Variants in TUSC3 observed in about 807,000 individuals in gnomAD.
TUSC3 encodes the protein dolichyl-diphosphooligosaccharide--protein glycosyltransferase subunit TUSC3.
In TUSC3, 45 loss-of-function variants were observed where a neutral mutation model predicts 44.8. That is an observed-to-expected ratio of 1.00 (90% CI 0.79 to 1.29). The LOEUF (loss-of-function observed/expected upper bound fraction) is 1.29, where lower values mean the gene tolerates loss of function less well. TUSC3 is among the 50% of genes most tolerant of loss of function. TUSC3 has a pLI of 0.00. For missense variants in TUSC3, 519 were observed against 437.9 expected (o/e 1.19, Z -1.65); for synonymous variants, 212 against 152.9 (o/e 1.39, Z -2.85).
chr8:15,459,411 C>T (rs1449481980), intron 1 of TUSC3, among the ~76,000 whole-genome samples: 1 of 151,734 alleles, frequency 6.6e-6, no homozygotes, highest in African/African-American at 2.4e-5. Context: ...TACACTTTAA[C>T]CAATAAAATA....
chr8:15,617,140 T>TGTGTGTGTGTGTGTGTGTGTA (rs1563136021), intron 1 of TUSC3, among the ~76,000 whole-genome samples: 69 of 8,138 alleles, frequency 8.5e-3, no homozygotes, highest in African/African-American at 0.013. Context: ...GTGTATATAT[T>TGTGTGTGTGTGTGTGTGTGTA]TTTTTTTTTT....
At chr8:15,427,717 T>C (rs73189464) in intron 1 of TUSC3, among the ~76,000 whole-genome samples, 21,015 of 152,122 alleles carry the variant, frequency 0.14, 1,554 homozygotes, top group Middle Eastern at 0.21. Flanking sequence ...GAGGCAAGAA[T>C]TGAGGTTGCT....
At chr8:15,536,862 A>T (rs963811356), upstream of TUSC3, among the ~76,000 whole-genome samples, 1 of 152,046 alleles carries the variant, frequency 6.6e-6, no homozygotes, top group Non-Finnish European at 1.5e-5. Flanking sequence ...ATGCCCTACA[A>T]ACCATAAATT....
At chr8:15,446,840 G>C (rs1429925117) in intron 1 of TUSC3, among the ~76,000 whole-genome samples, 1 of 151,276 alleles carries the variant, frequency 6.6e-6, no homozygotes, top group South Asian at 2.1e-4. Flanking sequence ...AGAGGCAGAA[G>C]TTCATGTGGA....
chr8:15,565,183 T>C (rs1802619573), intron 1 of TUSC3, among the ~76,000 whole-genome samples: 4 of 151,246 alleles, frequency 2.6e-5, no homozygotes, highest in Non-Finnish European at 1.5e-5. Flanking sequence ...TTTTTTTGTC[T>C]TTTGCAGTTT....
At chr8:15,643,108 CCG>C in intron 2 of TUSC3, among the ~76,000 whole-genome samples, 1 of 152,240 alleles carries the variant, frequency 6.6e-6, no homozygotes, top group Non-Finnish European at 1.5e-5. Context: ...AGGGGCTTTT[CCG>C]CCTTTGCTTG....
intron 6 of TUSC3, among the ~76,000 whole-genome samples, chr8:15,691,893 C>A (rs1808916921): frequency 6.6e-6 from 1 of 152,066 alleles, no homozygotes; most frequent in African/African-American, 2.4e-5. Context: ...ATTCTCTTGC[C>A]TCAGCCTCAC....
At chr8:15,515,432 C>T (rs907155000) in intron 2 of TUSC3, among the ~76,000 whole-genome samples, 8 of 152,110 alleles carry the variant, frequency 5.3e-5, no homozygotes, top group African/African-American at 1.9e-4. Flanking sequence ...ATTTTACTCA[C>T]ATTTTTCTCC....
At position 15,700,849 on chromosome 8, in the gene TUSC3, C is replaced by CTTTTTTTTTTTTTTTTT. The variant is rs71211076; in HGVS notation, c.798+27015_798+27031dup. On this transcript the variant is annotated intron_variant, in intron 6 of 10. Coordinates refer to ENST00000503731, the MANE Select transcript of TUSC3 (RefSeq NM_006765.4). ...CTTTCACTAGAGGGAATGGCTGGAG[C>CTTTTTTTTTTTTTTTTT]TTTTTTTTTTTTTTTTTTGCTTTGC... Among the ~76,000 whole-genome samples, 179 of 90,526 alleles carry CTTTTTTTTTTTTTTTTT rather than the reference C, an allele frequency of 2.0e-3. 24 individuals are homozygous for CTTTTTTTTTTTTTTTTT. The highest frequency in any genetic ancestry group is 3.5e-3 in the East Asian group (9 of 2,554). 59.4% of individuals were successfully genotyped at this position (90,526 alleles called of 152,430 possible). A position where few individuals can be genotyped will look rare whatever the true frequency, so the allele number is the denominator to read the frequency against.
At chr8:15,502,751 A>T (rs1352901510) in intron 2 of TUSC3, among the ~76,000 whole-genome samples, 1 of 152,158 alleles carries the variant, frequency 6.6e-6, no homozygotes, top group African/African-American at 2.4e-5. Flanking sequence ...TTGGCCTCCC[A>T]AAGTGCTGGG....
intron 10 of TUSC3, among the ~76,000 whole-genome samples, chr8:15,761,746 A>T (rs1356134572): frequency 1.3e-5 from 2 of 152,194 alleles, no homozygotes; most frequent in Non-Finnish European, 2.9e-5. Flanking sequence ...AAAAGCACAC[A>T]TCAGGGGAAT....
chr8:15,640,195 T>A (rs1028009519), intron 2 of TUSC3, among the ~76,000 whole-genome samples: 16 of 152,222 alleles, frequency 1.1e-4, no homozygotes, highest in African/African-American at 3.9e-4. Context: ...GGCATCTACA[T>A]GACCAACCTT....
chr8:15,696,498 C>T (rs527316877), intron 6 of TUSC3, among the ~76,000 whole-genome samples: 6 of 152,238 alleles, frequency 3.9e-5, no homozygotes, highest in South Asian at 2.1e-4. Flanking sequence ...GGGGTCAAAG[C>T]GCTCACACAG....
chr8:15,792,191 G>C, the TUSC3 span, among the ~76,000 whole-genome samples: 1 of 151,770 alleles, frequency 6.6e-6, no homozygotes, highest in Non-Finnish European at 1.5e-5. Flanking sequence ...TAATATTATT[G>C]AACATCAAAT....
At chr8:15,715,574 A>G (rs1274966157) in intron 6 of TUSC3, among the ~76,000 whole-genome samples, 1 of 152,094 alleles carries the variant, frequency 6.6e-6, no homozygotes, top group Non-Finnish European at 1.5e-5. Flanking sequence ...AAAGCATATG[A>G]ATTGTTTACT....
At position 15,486,410 on chromosome 8, in the gene TUSC3, A is replaced by G. The variant is rs567467394; in HGVS notation, n.189+2927A>G. 9.2e-5 allele frequency among the ~76,000 whole-genome samples: 14 copies of G among 152,248 alleles called. No individual in the cohort carries two copies. The South Asian group carries it at 2.9e-3, about 32-fold the overall frequency. On this transcript the variant is annotated intron_variant and non_coding_transcript_variant, in intron 2 of 5. Transcript: ENST00000503191. ...GTTTTAATATTATTTTGGTTTGATCATTCTATAATTCTCAAGAATAATCTC... is the reference window on the plus strand; with the variant it reads ...GTTTTAATATTATTTTGGTTTGATCGTTCTATAATTCTCAAGAATAATCTC...
chr8:15,468,128 A>G (rs1216733301), intron 1 of TUSC3, among the ~76,000 whole-genome samples: 1 of 152,222 alleles, frequency 6.6e-6, no homozygotes, highest in Non-Finnish European at 1.5e-5. Context: ...GTCTCTCCTG[A>G]AAAGCAGAAT....
Position 15,523,721 on chromosome 8 carries a change from T to TAC in TUSC3, n.189+40239_189+40240insCA, listed in dbSNP as rs1428427541. Among the ~76,000 whole-genome samples, 330 of 134,000 alleles carry TAC rather than the reference T, an allele frequency of 2.5e-3. 17 individuals are homozygous for TAC. Among genetic ancestry groups the TAC allele is most frequent in the Middle Eastern group, 3.8e-3 (1 of 264 alleles). 87.9% of individuals were successfully genotyped at this position (134,000 alleles called of 152,430 possible). A position where few individuals can be genotyped will look rare whatever the true frequency, so the allele number is the denominator to read the frequency against. The stretch of plus-strand genomic sequence containing the variant: ...GTGTGTGTGTGTGTATATATATATA[T>TAC]ATATAAAGTAGTTCTTAGGAGAGGA... On this transcript the variant is annotated intron_variant and non_coding_transcript_variant, in intron 2 of 5. Transcript: ENST00000503191.
chr8:15,821,358 C>A, the TUSC3 span, among the ~76,000 whole-genome samples: 1 of 28,134 alleles, frequency 3.6e-5, no homozygotes, highest in Non-Finnish European at 9.9e-5. Context: ...TGTATCTAGG[C>A]ATTTTTTTTT....
Sources: gnomAD v4.1 joint callset for allele counts (sites outside exome capture counted in the v4.1 genomes callset) on GRCh38, gnomAD v4.1.1 for gene constraint, MANE v1.5 for transcripts, NCBI Gene and HGNC (gene_info 2026-07-23, HGNC 2026-07-21) for gene names.